Variants in GRIK1 observed in about 807,000 individuals in gnomAD.
GRIK1 encodes the protein glutamate receptor ionotropic, kainate 1.
GRIK1 carries 69 observed loss-of-function variants against 105.7 expected under a neutral mutation model. That is an observed-to-expected ratio of 0.65 (90% confidence interval 0.54 to 0.80). The LOEUF (loss-of-function observed/expected upper bound fraction) is 0.80, where lower values mean the gene tolerates loss of function less well. Ranked by LOEUF, GRIK1 falls within the 30% of genes least tolerant of loss-of-function variation. The pLI, the probability that GRIK1 is intolerant of heterozygous loss-of-function variation, is 0.00. For synonymous variants in GRIK1, 438 were observed against 431.3 expected (o/e 1.02, Z -0.19); for missense variants, 1,109 against 1,167.3 (o/e 0.95, Z 0.73).
At chr21:29,570,938 T>C (rs114878326) in intron 14 of GRIK1, among the ~76,000 whole-genome samples, 371 of 150,622 alleles carry the variant, frequency 2.5e-3, no homozygotes, top group African/African-American at 8.6e-3. Context: ...GATTTAATCC[T>C]ATTCTCTTGT....
chr21:29,755,550 A>C (rs576790408), intron 1 of GRIK1, among the ~76,000 whole-genome samples: 1 of 152,346 alleles, frequency 6.6e-6, no homozygotes, highest in South Asian at 2.1e-4. Flanking sequence ...TGGTAAAGTC[A>C]TAGCGGCCAC....
intron 1 of GRIK1, among the ~76,000 whole-genome samples, chr21:29,838,951 A>G (rs754323979): frequency 2.4e-4 from 37 of 152,228 alleles, no homozygotes; most frequent in Non-Finnish European, 3.8e-4. Context: ...GACAAGATGG[A>G]AAAAAAAGGA....
rs16984363 is a variant in GRIK1, at chr21:29,566,983, C to T, written c.2131-5134G>A. The stretch of plus-strand genomic sequence containing the variant: ...TTAACAAATTTTCTAAAGAAATAAT[C>T]GAAACAAGTAGCTGTGGGATCTTTC... On this transcript the variant is annotated intron_variant, in intron 14 of 17. Coordinates refer to ENST00000327783, the MANE Select transcript of GRIK1 (RefSeq NM_001330994.2). 5.9e-5 allele frequency among the ~76,000 whole-genome samples: 9 copies of T among 152,168 alleles called. No individual in the cohort carries two copies. In the East Asian group the frequency reaches 7.7e-4, roughly 13 times the overall value.
At chr21:29,717,417 G>T (rs2064205190) in intron 1 of GRIK1, among the ~76,000 whole-genome samples, 1 of 152,204 alleles carries the variant, frequency 6.6e-6, no homozygotes, top group African/African-American at 2.4e-5. Flanking sequence ...GCTGGGAGGG[G>T]GACTGTACCA....
intron 1 of GRIK1, among the ~76,000 whole-genome samples, chr21:29,810,875 T>C (rs2066992087): frequency 6.6e-6 from 1 of 152,102 alleles, no homozygotes; most frequent in African/African-American, 2.4e-5. Flanking sequence ...CAGGTTCAGA[T>C]AACAACAAAG....
intron 13 of GRIK1, among the ~76,000 whole-genome samples, chr21:29,577,807 G>A (rs957868659): frequency 9.9e-5 from 15 of 152,198 alleles, no homozygotes; most frequent in Middle Eastern, 3.4e-3. Context: ...TCTCTGCAAC[G>A]CATAATTTTG....
chr21:29,872,831 C>T (rs2223021), intron 1 of GRIK1, among the ~76,000 whole-genome samples: 11,646 of 152,226 alleles, frequency 0.077, 460 homozygotes, highest in African/African-American at 0.11. Flanking sequence ...CAATTACCCC[C>T]CACTGGGTCC....
rs754007079 is a variant in GRIK1 at position 29,750,610 on chromosome 21, G to T, written c.119-56547C>A. Among the ~76,000 whole-genome samples the T allele has an allele frequency of 3.3e-5, 5 of 152,162 alleles. No individual in the cohort carries two copies. In the East Asian group the frequency reaches 9.6e-4, roughly 29 times the overall value. On this transcript the variant is annotated intron_variant, in intron 1 of 17. Transcript: ENST00000327783. ...TCTTGTAAAGGTAGGACGCCAAGCA[G>T]TATGGTCCAATCTCTCCTTGATTTT...
intron 9 of GRIK1, among the ~76,000 whole-genome samples, chr21:29,595,044 T>G (rs1407066603): frequency 1.3e-5 from 2 of 152,102 alleles, no homozygotes; most frequent in African/African-American, 2.4e-5. Flanking sequence ...GTGCTAGAAC[T>G]CAGGTTACCG....
chr21:29,645,178 T>C lies in GRIK1; in HGVS notation c.955-2209A>G, dbSNP rs1038896166. Among the ~76,000 whole-genome samples, 7 of 152,188 alleles carry C rather than the reference T, an allele frequency of 4.6e-5. 1 individual carries two copies. The highest frequency in any genetic ancestry group is 1.0e-4 in the Non-Finnish European group (7 of 68,024). On this transcript the variant is annotated intron_variant, in intron 6 of 17. Coordinates refer to ENST00000327783, the MANE Select transcript of GRIK1 (RefSeq NM_001330994.2). ...AATTACTGAAATTAAACTTTTGAAA[T>C]AGGTATACAGACAGGGAAATTGAGG...
At chr21:29,895,172 A>G (rs2070088770) in intron 1 of GRIK1, among the ~76,000 whole-genome samples, 1 of 152,180 alleles carries the variant, frequency 6.6e-6, no homozygotes, top group African/African-American at 2.4e-5. Flanking sequence ...CTAATCTAGA[A>G]TGACCTTGAG....
intron 1 of GRIK1, among the ~76,000 whole-genome samples, chr21:29,835,314 G>T (rs538650260): frequency 6.6e-6 from 1 of 152,182 alleles, no homozygotes; most frequent in Admixed American, 6.6e-5. Context: ...TCTGCCTGGG[G>T]CAGGTCGGAA....
chr21:29,575,296 A>G (rs1044414985), intron 14 of GRIK1, among the ~76,000 whole-genome samples: 34 of 151,984 alleles, frequency 2.2e-4, no homozygotes, highest in African/African-American at 6.5e-4. Flanking sequence ...TCAAAAAATA[A>G]TAGACATTGG....
chr21:29,703,273 G>T (rs2063846588), intron 1 of GRIK1, among the ~76,000 whole-genome samples: 1 of 152,158 alleles, frequency 6.6e-6, no homozygotes, highest in Non-Finnish European at 1.5e-5. Flanking sequence ...CAGGAAGAAA[G>T]GTAAAACCAT....
In GRIK1 at chr21:29,696,136, A is replaced by G. The variant is rs551941316; in HGVS notation, c.119-2073T>C. Among the ~76,000 whole-genome samples, 10 of 152,306 alleles carry G rather than the reference A, an allele frequency of 6.6e-5. No homozygotes were observed. The South Asian group carries it at 1.9e-3, about 28-fold the overall frequency. ...ACAGTGTTGGGTTGTGAAAGCTAAG[A>G]TGGTTTATAGTGAATTATTTTGGCT... On this transcript the variant is annotated intron_variant, in intron 1 of 17. Coordinates refer to ENST00000327783, the MANE Select transcript of GRIK1 (RefSeq NM_001330994.2).
chr21:29,602,111 C>T lies in GRIK1; in HGVS notation c.1099-3174G>A, dbSNP rs114617202. On this transcript the variant is annotated intron_variant, in intron 7 of 17. Coordinates refer to ENST00000327783, the MANE Select transcript of GRIK1 (RefSeq NM_001330994.2). The stretch of plus-strand genomic sequence containing the variant: ...TGCGGCCTTGGTTGAGTCATTTTGT[C>T]CCTTTTTTAGGCCACAGAGAAATGC... Among the ~76,000 whole-genome samples the T allele has an allele frequency of 4.5e-3, 689 of 152,206 alleles. 6 individuals are homozygous for T. The highest frequency in any genetic ancestry group is 0.015 in the African/African-American group (626 of 41,506).
At chr21:29,694,953 G>GT (rs1017523449) in intron 1 of GRIK1, among the ~76,000 whole-genome samples, 4 of 151,860 alleles carry the variant, frequency 2.6e-5, no homozygotes, top group African/African-American at 9.7e-5. Flanking sequence ...CAAAGAACTG[G>GT]TTTTTTTTCT....
chr21:29,922,677 A>T (rs1194468193), intron 1 of GRIK1, among the ~76,000 whole-genome samples: 2 of 152,198 alleles, frequency 1.3e-5, no homozygotes, highest in Non-Finnish European at 2.9e-5. Context: ...GATCATTTAA[A>T]AATAAATGAA....
At chr21:29,734,837 A>T (rs1412677454) in intron 1 of GRIK1, among the ~76,000 whole-genome samples, 1 of 151,934 alleles carries the variant, frequency 6.6e-6, no homozygotes, top group Non-Finnish European at 1.5e-5. Context: ...TTTTGCTCTC[A>T]TCTGTTTTGC....
Sources: gnomAD v4.1 joint callset for allele counts (sites outside exome capture counted in the v4.1 genomes callset) on GRCh38, gnomAD v4.1.1 for gene constraint, MANE v1.5 for transcripts, NCBI Gene and HGNC (gene_info 2026-07-23, HGNC 2026-07-21) for gene names.